SCPPPQ1: variants seen among roughly 807,000 people sequenced by gnomAD.
SCPPPQ1 encodes the protein secretory calcium-binding phosphoprotein proline-glutamine rich 1, also known as secretory calcium-binding phosphoprotein proline- and glutamine-rich 1.
At chr4:87,469,823 G>A in the SCPPPQ1 span, among the ~76,000 whole-genome samples, 1 of 152,018 alleles carries the variant, frequency 6.6e-6, no homozygotes, top group Admixed American at 6.6e-5. Flanking sequence ...CCTTAGACAA[G>A]ACATGCACTG....
chr4:87,470,255 T>G, the SCPPPQ1 span, among the ~76,000 whole-genome samples: 1 of 152,200 alleles, frequency 6.6e-6, no homozygotes, highest in Non-Finnish European at 1.5e-5. Flanking sequence ...TGTGAGCCAC[T>G]GTGCTCAATT....
the SCPPPQ1 span, among the ~76,000 whole-genome samples, chr4:87,466,479 A>G: frequency 6.6e-6 from 1 of 152,202 alleles, no homozygotes; most frequent in East Asian, 1.9e-4. Context: ...TAAGTGCAAG[A>G]ATAATATTTA....
At chr4:87,461,750 G>T in the SCPPPQ1 span, among the ~76,000 whole-genome samples, 1 of 152,092 alleles carries the variant, frequency 6.6e-6, no homozygotes, top group Admixed American at 6.6e-5. Flanking sequence ...TAGGACTTCT[G>T]GTGGTGGTTA....
chr4:87,466,885 A>G, the SCPPPQ1 span, among the ~76,000 whole-genome samples: 1 of 152,148 alleles, frequency 6.6e-6, no homozygotes, highest in African/African-American at 2.4e-5. Context: ...GTGAAGTTTT[A>G]AAATGTATGT....
chr4:87,464,133 T>C, the SCPPPQ1 span, among the ~76,000 whole-genome samples: 1 of 152,204 alleles, frequency 6.6e-6, no homozygotes, highest in Non-Finnish European at 1.5e-5. Flanking sequence ...TTGAATGTAG[T>C]ATTTATATGG....
chr4:87,461,172 T>C, the SCPPPQ1 span, among the ~76,000 whole-genome samples: 1 of 152,230 alleles, frequency 6.6e-6, no homozygotes, highest in Non-Finnish European at 1.5e-5. Context: ...ATCTATTATA[T>C]TTCTTAATTC....
chr4:87,467,186 GTC>G, the SCPPPQ1 span, among the ~76,000 whole-genome samples: 1 of 152,052 alleles, frequency 6.6e-6, no homozygotes, highest in African/African-American at 2.4e-5. Flanking sequence ...CCCTTTATGA[GTC>G]TCTCTTCCTC....
chr4:87,464,724 G>C, the SCPPPQ1 span, among the ~76,000 whole-genome samples: 7 of 152,136 alleles, frequency 4.6e-5, no homozygotes, highest in Non-Finnish European at 1.0e-4. Flanking sequence ...TGTAGTCCCA[G>C]CTACTCAGGA....
At chr4:87,468,399 C>A in the SCPPPQ1 span, among the ~76,000 whole-genome samples, 8 of 152,186 alleles carry the variant, frequency 5.3e-5, no homozygotes, top group Non-Finnish European at 1.2e-4. Context: ...AAGTTCTGCA[C>A]CCCAAACACA....
At chr4:87,470,927 C>T in the SCPPPQ1 span, among the ~76,000 whole-genome samples, 5 of 152,082 alleles carry the variant, frequency 3.3e-5, no homozygotes, top group Non-Finnish European at 5.9e-5. Flanking sequence ...TGTTAGAAAT[C>T]ATTAAATTAC....
At chr4:87,462,205 A>T in the SCPPPQ1 span, 1 of 152,228 alleles carries the variant, frequency 6.6e-6, no homozygotes, top group Non-Finnish European at 1.5e-5. Flanking sequence ...TGTTTACAGC[A>T]TAGAGCTTAA....
the SCPPPQ1 span, among the ~76,000 whole-genome samples, chr4:87,463,324 A>AC: frequency 0.12 from 14,387 of 116,682 alleles, 768 homozygotes; most frequent in Non-Finnish European, 0.16. Flanking sequence ...AAGTTAAAAA[A>AC]AAAAACAACA....
the SCPPPQ1 span, among the ~76,000 whole-genome samples, chr4:87,464,210 T>A: frequency 6.6e-6 from 1 of 152,186 alleles, no homozygotes; most frequent in Non-Finnish European, 1.5e-5. Context: ...GGACCTAGAA[T>A]AAAGGAAACA....
the SCPPPQ1 span, chr4:87,460,936 AAGAT>A: frequency 6.5e-6 from 1 of 152,674 alleles, no homozygotes; most frequent in East Asian, 1.9e-4. Flanking sequence ...AACTATAGTT[AAGAT>A]AGAAGTAGAT....
the SCPPPQ1 span, among the ~76,000 whole-genome samples, chr4:87,470,036 C>T: frequency 2.7e-5 from 4 of 150,738 alleles, no homozygotes; most frequent in African/African-American, 4.9e-5. Flanking sequence ...CTCCTGTACC[C>T]TCGAACTGCT....
At chr4:87,464,610 G>A in the SCPPPQ1 span, among the ~76,000 whole-genome samples, 1 of 152,168 alleles carries the variant, frequency 6.6e-6, no homozygotes, top group Non-Finnish European at 1.5e-5. Context: ...GGCCAAGGGA[G>A]GAGGATCACT....
chr4:87,468,895 C>G, the SCPPPQ1 span, among the ~76,000 whole-genome samples: 1 of 152,138 alleles, frequency 6.6e-6, no homozygotes, highest in African/African-American at 2.4e-5. Flanking sequence ...TCTAAAGAAA[C>G]AAATTAGGTT....
chr4:87,468,288 A>G, the SCPPPQ1 span, among the ~76,000 whole-genome samples: 3 of 152,230 alleles, frequency 2.0e-5, no homozygotes, highest in East Asian at 3.8e-4. Flanking sequence ...TTAATTCCAT[A>G]TTACATGAAT....
the SCPPPQ1 span, among the ~76,000 whole-genome samples, chr4:87,467,939 A>G: frequency 3.8e-4 from 58 of 152,340 alleles, no homozygotes; most frequent in African/African-American, 1.4e-3. Context: ...GACTTTTAAA[A>G]TGATGAATGC....
Sources: gnomAD v4.1 joint callset for allele counts (sites outside exome capture counted in the v4.1 genomes callset) on GRCh38, gnomAD v4.1.1 for gene constraint, MANE v1.5 for transcripts, NCBI Gene and HGNC (gene_info 2026-07-23, HGNC 2026-07-21) for gene names.